MAP3K20: variants seen among roughly 807,000 people sequenced by gnomAD.
MAP3K20 encodes HCCS-4.
In MAP3K20, 40 loss-of-function variants were observed where a neutral mutation model predicts 85.7. That is an observed-to-expected ratio of 0.47 (90% CI 0.36 to 0.61). The LOEUF is 0.61. MAP3K20 is among the 20% of genes least tolerant of loss of function. The pLI, the probability that MAP3K20 is intolerant of heterozygous loss-of-function variation, is 0.00. For missense variants in MAP3K20, 817 were observed against 961.7 expected, an observed-to-expected ratio of 0.85 and a Z score of 1.99; for synonymous variants, 325 against 327.7, an observed-to-expected ratio of 0.99 and a Z score of 0.09.
chr2:173,203,028 T>G (rs137900799), intron 8 of MAP3K20, among the ~76,000 whole-genome samples: 112 of 152,316 alleles, frequency 7.4e-4, no homozygotes, highest in African/African-American at 2.4e-3. Flanking sequence ...GCATTTGAAA[T>G]TTTGTGGGAT....
At chr2:173,252,662 C>T (rs1317261606) in intron 16 of MAP3K20, among the ~76,000 whole-genome samples, 3 of 152,214 alleles carry the variant, frequency 2.0e-5, no homozygotes, top group Non-Finnish European at 4.4e-5. Context: ...CAGTGCCCAC[C>T]TCCGCTCCTG....
chr2:173,137,595 CCTCT>C (rs1295282481), intron 2 of MAP3K20, among the ~76,000 whole-genome samples: 1 of 151,752 alleles, frequency 6.6e-6, no homozygotes, highest in Non-Finnish European at 1.5e-5. Flanking sequence ...CTTTTCTCTC[CCTCT>C]CTTTTTTTCC....
rs1369187093 is a variant in MAP3K20, at chr2:173,223,519, A to G, written c.988-6170A>G. ...AACCTTCTGGAAAGCTATCAGTTTC[A>G]AATAATATTTTCTCTGTAGTATGAG... On this transcript the variant is annotated intron_variant, in intron 11 of 19. Transcript: ENST00000375213. 4.1e-6 allele frequency: 4 copies of G among 985,436 alleles called. No individual in the cohort carries two copies. In the African/African-American group the frequency reaches 5.2e-5, roughly 13 times the overall value. The allele number at this position is 985,436 out of a possible 1,614,324, so 61.0% of individuals were successfully genotyped here.
intron 16 of MAP3K20, among the ~76,000 whole-genome samples, chr2:173,242,699 CTTTTTT>C (rs68173816): frequency 2.5e-5 from 2 of 80,968 alleles, no homozygotes; most frequent in East Asian, 4.2e-4. Flanking sequence ...AGTAATCTTT[CTTTTTT>C]TTTTTTTTTT....
Position 173,232,320 on chromosome 2 carries a change from G to T in MAP3K20, c.1064G>T (p.Gly355Val). Residue 355 changes from glycine to valine, a missense_variant and splice_region_variant, in exon 14 of 20, where the codon GGT becomes GTT. Coordinates refer to ENST00000375213, the MANE Select transcript of MAP3K20 (RefSeq NM_016653.3). The part of the protein sequence containing the change: ...YCWVQQLVRK[G>V]DSSAEMSVYA... ...TCTGCTTTCTAATCACTTCCTTCAG[G>T]TGACTCTTCAGCAGAGATGAGTGTA... 1.2e-6 allele frequency: 2 copies of T among 1,614,156 alleles called. No homozygotes were observed. Among genetic ancestry groups the T allele is most frequent in the Non-Finnish European group, 1.7e-6 (2 of 1,180,018 alleles).
intron 16 of MAP3K20, among the ~76,000 whole-genome samples, chr2:173,254,046 G>A (rs934296794): frequency 6.7e-6 from 1 of 148,528 alleles, no homozygotes; most frequent in East Asian, 2.0e-4. Context: ...CCTCCAGCCC[G>A]GGTGACAGAG....
intron 4 of MAP3K20, among the ~76,000 whole-genome samples, chr2:173,187,165 A>C (rs1333845200): frequency 6.6e-6 from 1 of 152,192 alleles, no homozygotes; most frequent in Non-Finnish European, 1.5e-5. Context: ...ACCTGCAGAC[A>C]ACCAGATGAA....
intron 2 of MAP3K20, among the ~76,000 whole-genome samples, chr2:173,163,142 G>A (rs1200262916): frequency 6.6e-6 from 1 of 152,178 alleles, no homozygotes; most frequent in Non-Finnish European, 1.5e-5. Context: ...TTAACTTTTA[G>A]GTTTAGGGGT....
At chr2:173,214,670 T>C (rs1460229348) in intron 10 of MAP3K20, among the ~76,000 whole-genome samples, 1 of 152,198 alleles carries the variant, frequency 6.6e-6, no homozygotes, top group Non-Finnish European at 1.5e-5. Context: ...AAGAAGATAA[T>C]TACGGTTCAT....
chr2:173,209,639 T>G lies in MAP3K20; in HGVS notation c.745-90T>G, dbSNP rs1005382413. On this transcript the variant is annotated intron_variant, in intron 9 of 19. Coordinates refer to ENST00000375213, the MANE Select transcript of MAP3K20 (RefSeq NM_016653.3). ...TTTTATTTTGTTATGGTGGGTTGAG[T>G]TTATTACTATGCTTGTAGTATCTAC... 42 of 1,054,566 alleles carry G rather than the reference T, an allele frequency of 4.0e-5. No homozygotes were observed. The African/African-American group carries it at 6.4e-4, about 16-fold the overall frequency. 65.3% of individuals were successfully genotyped at this position (1,054,566 alleles called of 1,614,324 possible).
chr2:173,169,674 C>G (rs1689944349), intron 2 of MAP3K20, 131 bp from the exon 3 acceptor site: 6 of 818,530 alleles, frequency 7.3e-6, no homozygotes, highest in Non-Finnish European at 1.1e-5. Context: ...GAGCCAAGAT[C>G]ACACCACTGT....
At chr2:173,195,188 TAAAAA>T (rs34601946) in intron 7 of MAP3K20, among the ~76,000 whole-genome samples, 1 of 122,810 alleles carries the variant, frequency 8.1e-6, no homozygotes, top group Non-Finnish European at 1.7e-5. Flanking sequence ...AGCCTCTCTT[TAAAAA>T]AAAAAAAAAA....
Position 173,108,106 on chromosome 2 carries a change from T to C in MAP3K20, c.159+16916T>C, listed in dbSNP as rs144491048. Among the ~76,000 whole-genome samples, 228 of 152,228 alleles carry C rather than the reference T, an allele frequency of 1.5e-3. 1 individual carries two copies. Among genetic ancestry groups the C allele is most frequent in the African/African-American group, 5.2e-3 (217 of 41,560 alleles). ...ACAATATTTTGTCATTTACTTACTA[T>C]ATTTTGTGTTATAAACTGGGATTTT... On this transcript the variant is annotated intron_variant, in intron 2 of 19. Coordinates refer to ENST00000375213, the MANE Select transcript of MAP3K20 (RefSeq NM_016653.3).
chr2:173,079,204 C>T lies in MAP3K20; in HGVS notation c.-35+3202C>T, dbSNP rs114864681. 7.3e-3 allele frequency among the ~76,000 whole-genome samples: 1,115 copies of T among 152,236 alleles called. 7 individuals carry two copies. Among genetic ancestry groups the T allele is most frequent in the Non-Finnish European group, 0.01 (713 of 68,024 alleles). On this transcript the variant is annotated intron_variant, in intron 1 of 19. Transcript: ENST00000375213. ...GTAGCATGCTGCTATACTGAATAGG[C>T]AGTTGTAACACAGTAATAAGTATTT... is the stretch of plus-strand genomic sequence containing the variant.
chr2:173,218,436 A>G (rs1684139727), intron 11 of MAP3K20, among the ~76,000 whole-genome samples: 1 of 152,268 alleles, frequency 6.6e-6, no homozygotes, highest in Non-Finnish European at 1.5e-5. Context: ...GAACATTTTA[A>G]AAGTGCCACA....
chr2:173,144,475 A>C (rs1031291800), intron 2 of MAP3K20, among the ~76,000 whole-genome samples: 4 of 109,480 alleles, frequency 3.7e-5, no homozygotes, highest in Admixed American at 8.3e-5. Flanking sequence ...AAAAAAAAAA[A>C]AAAAAAAAAA....
intron 3 of MAP3K20, among the ~76,000 whole-genome samples, chr2:173,174,708 T>C (rs555848979): frequency 2.3e-4 from 35 of 152,322 alleles, no homozygotes; most frequent in African/African-American, 7.9e-4. Flanking sequence ...TTATAATCCT[T>C]TGGGTATATA....
intron 3 of MAP3K20, among the ~76,000 whole-genome samples, chr2:173,173,328 G>T (rs774597222): frequency 2.0e-5 from 3 of 152,042 alleles, no homozygotes; most frequent in Non-Finnish European, 4.4e-5. Context: ...CAAAGTATCT[G>T]GTAATCTAAG....
Position 173,238,361 on chromosome 2 carries a change from T to A in MAP3K20, c.1204-12T>A. The A allele has an allele frequency of 1.3e-6, 2 of 1,599,616 alleles. No individual in the cohort carries two copies. The highest frequency in any genetic ancestry group is 1.7e-6 in the Non-Finnish European group (2 of 1,169,436). ...CTGGATCATTAATAAAGTCATATGA[T>A]TTTTTTTACAGTCAGCCATTGAGAA... On this transcript the variant is annotated splice_polypyrimidine_tract_variant and intron_variant, in intron 14 of 19. Coordinates refer to ENST00000375213, the MANE Select transcript of MAP3K20 (RefSeq NM_016653.3).
Sources: gnomAD v4.1 joint callset for allele counts (sites outside exome capture counted in the v4.1 genomes callset) on GRCh38, gnomAD v4.1.1 for gene constraint, MANE v1.5 for transcripts, NCBI Gene and HGNC (gene_info 2026-07-23, HGNC 2026-07-21) for gene names.